GABRG3: variants seen among roughly 807,000 people sequenced by gnomAD.
GABRG3 encodes the protein gamma-aminobutyric acid type A receptor subunit gamma3.
A neutral mutation model predicts 48.8 loss-of-function variants in GABRG3; 25 were observed. The ratio of observed to expected loss-of-function variants is 0.51; its 90% CI spans 0.37 to 0.72. The LOEUF (loss-of-function observed/expected upper bound fraction) is 0.72. Among genes scored for constraint, GABRG3 ranks in the 30% least tolerant of loss-of-function variants. The pLI, the probability that GABRG3 is intolerant of heterozygous loss-of-function variation, is 0.00. For synonymous variants in GABRG3, 227 were observed against 217.6 expected (o/e 1.04, Z -0.38); for missense variants, 394 against 577.9 (o/e 0.68, Z 3.26).
At chr15:27,036,527 T>C (rs1472417602) in intron 3 of GABRG3, among the ~76,000 whole-genome samples, 1 of 152,132 alleles carries the variant, frequency 6.6e-6, no homozygotes, top group African/African-American at 2.4e-5. Flanking sequence ...CCGTCTCTAC[T>C]AGAAATACAA....
intron 2 of GABRG3, among the ~76,000 whole-genome samples, chr15:26,982,813 G>C (rs1423725970): frequency 6.6e-6 from 1 of 152,160 alleles, no homozygotes; most frequent in Non-Finnish European, 1.5e-5. Context: ...TAAACATAAA[G>C]TTATGAGGTA....
At chr15:27,074,341 A>G (rs967529174) in intron 3 of GABRG3, among the ~76,000 whole-genome samples, 2 of 147,598 alleles carry the variant, frequency 1.4e-5, no homozygotes, top group Admixed American at 6.7e-5. Context: ...TCAGAGCCCC[A>G]AGAGAGAGAG....
chr15:27,382,972 A>G (rs1213067483), intron 5 of GABRG3, among the ~76,000 whole-genome samples: 2 of 152,222 alleles, frequency 1.3e-5, no homozygotes, highest in African/African-American at 2.4e-5. Flanking sequence ...AGGTCCAAAT[A>G]TAAATTTGGA....
Position 27,446,197 on chromosome 15 carries a change from A to T in GABRG3, c.575-34453A>T, listed in dbSNP as rs897749258. On this transcript the variant is annotated intron_variant, in intron 5 of 9. Transcript: ENST00000615808. ...TACACAAGAGTCAGCTAAGCTTTTC[A>T]TATAAATTGCATCGTATCTATAGAC... Among the ~76,000 whole-genome samples the T allele has an allele frequency of 7.7e-4, 117 of 152,370 alleles. 1 individual carries two copies. The highest frequency in any genetic ancestry group is 2.8e-3 in the African/African-American group (116 of 41,596).
intron 6 of GABRG3, among the ~76,000 whole-genome samples, chr15:27,487,272 G>A (rs1403525642): frequency 6.6e-6 from 1 of 152,108 alleles, no homozygotes; most frequent in African/African-American, 2.4e-5. Context: ...TTTAAAATCA[G>A]ATTTAATTAA....
At chr15:27,134,848 A>G (rs1712881294) in intron 3 of GABRG3, among the ~76,000 whole-genome samples, 1 of 152,214 alleles carries the variant, frequency 6.6e-6, no homozygotes, top group African/African-American at 2.4e-5. Flanking sequence ...GAGAGAATCA[A>G]AATTCCCCTG....
At chr15:27,184,396 G>C (rs986491756) in intron 3 of GABRG3, among the ~76,000 whole-genome samples, 4 of 152,150 alleles carry the variant, frequency 2.6e-5, no homozygotes, top group Admixed American at 2.0e-4. Flanking sequence ...AGTTTTTCCT[G>C]TATCTGGATT....
intron 3 of GABRG3, among the ~76,000 whole-genome samples, chr15:27,225,350 C>T (rs548190577): frequency 1.6e-4 from 24 of 152,132 alleles, no homozygotes; most frequent in East Asian, 3.9e-4. Context: ...CCCCCCTCCA[C>T]GTGGAGGCAG....
At chr15:27,438,248 T>A (rs927890928) in intron 5 of GABRG3, among the ~76,000 whole-genome samples, 2 of 152,258 alleles carry the variant, frequency 1.3e-5, no homozygotes, top group African/African-American at 4.8e-5. Flanking sequence ...TGGAATTTTT[T>A]ACTTCTAATA....
Position 27,174,584 on chromosome 15 carries a change from G to GTCTCTCTCTCTC in GABRG3, c.270+147786_270+147797dup, listed in dbSNP as rs150022606. Among the ~76,000 whole-genome samples, 804 of 139,702 alleles carry GTCTCTCTCTCTC rather than the reference G, an allele frequency of 5.8e-3. 13 individuals are homozygous for GTCTCTCTCTCTC. The highest frequency in any genetic ancestry group is 0.019 in the African/African-American group (709 of 36,430). The allele number at this position is 139,702 out of a possible 152,430, so 91.6% of individuals were successfully genotyped here. ...GGACCAGTGACTGCCTCTCTCTCTC[G>GTCTCTCTCTCTC]TCTCTCTCTCTCTCTCTCTCTCTCT... On this transcript the variant is annotated intron_variant, in intron 3 of 9. Transcript: ENST00000615808.
Position 26,971,387 on chromosome 15 carries a change from A to T in GABRG3, c.-149A>T. 2.1e-6 allele frequency: 1 copy of T among 486,244 alleles called. No homozygotes were observed. Among genetic ancestry groups the T allele is most frequent in the Non-Finnish European group, 3.2e-6 (1 of 309,932 alleles). 30.1% of individuals were successfully genotyped at this position (486,244 alleles called of 1,614,324 possible). A position where few individuals can be genotyped will look rare whatever the true frequency, so the allele number is the denominator to read the frequency against. On this transcript the variant is annotated 5_prime_UTR_variant, in exon 1 of 10. Coordinates refer to ENST00000615808, the MANE Select transcript of GABRG3 (RefSeq NM_033223.5). ...GTGTGCGCCCCGCGGGGGCGCGGCC[A>T]GCGCCAGAGTAGATACCTGTCCCGC...
chr15:27,511,584 G>T (rs543808222), intron 6 of GABRG3, among the ~76,000 whole-genome samples: 12 of 152,314 alleles, frequency 7.9e-5, no homozygotes, highest in African/African-American at 2.2e-4. Flanking sequence ...ATGATGATGA[G>T]AAGATTAAAA....
intron 5 of GABRG3, among the ~76,000 whole-genome samples, chr15:27,422,213 A>AG (rs1888142413): frequency 7.3e-6 from 1 of 136,622 alleles, no homozygotes; most frequent in Non-Finnish European, 1.6e-5. Flanking sequence ...GGAATGGGCT[A>AG]TAAATCCACC....
intron 5 of GABRG3, among the ~76,000 whole-genome samples, chr15:27,453,441 A>T (rs775640700): frequency 2.6e-5 from 4 of 152,230 alleles, no homozygotes; most frequent in Non-Finnish European, 4.4e-5. Flanking sequence ...AAGCTAGAAG[A>T]ATATGAAAAT....
chr15:27,381,445 C>T (rs1256469504), intron 5 of GABRG3, among the ~76,000 whole-genome samples: 2 of 152,208 alleles, frequency 1.3e-5, no homozygotes, highest in Non-Finnish European at 2.9e-5. Context: ...AGACTGGACT[C>T]CTTGGAGTTT....
intron 3 of GABRG3, among the ~76,000 whole-genome samples, chr15:27,246,614 T>C (rs1890278583): frequency 6.6e-6 from 1 of 152,226 alleles, no homozygotes; most frequent in African/African-American, 2.4e-5. Flanking sequence ...CTTTAAGTAA[T>C]ATCAAATTTG....
intron 5 of GABRG3, among the ~76,000 whole-genome samples, chr15:27,361,105 G>T (rs1022323331): frequency 1.3e-5 from 2 of 152,220 alleles, no homozygotes; most frequent in African/African-American, 2.4e-5. Context: ...AGTGCCTGCG[G>T]TCCATCATGG....
At chr15:27,116,403 A>G (rs1473560299) in intron 3 of GABRG3, among the ~76,000 whole-genome samples, 4 of 152,038 alleles carry the variant, frequency 2.6e-5, no homozygotes, top group Non-Finnish European at 5.9e-5. Context: ...TGTTTGTTCT[A>G]TATCATTTTA....
intron 3 of GABRG3, among the ~76,000 whole-genome samples, chr15:27,143,676 T>C (rs1230785356): frequency 6.6e-6 from 1 of 152,224 alleles, no homozygotes; most frequent in Non-Finnish European, 1.5e-5. Context: ...ACTAACATTC[T>C]GCTAAAGCTG....
Sources: gnomAD v4.1 joint callset for allele counts (sites outside exome capture counted in the v4.1 genomes callset) on GRCh38, gnomAD v4.1.1 for gene constraint, MANE v1.5 for transcripts, NCBI Gene and HGNC (gene_info 2026-07-23, HGNC 2026-07-21) for gene names.